The following PLA2G4F variants were observed in gnomAD, a reference collection of about 807,000 sequenced individuals.
PLA2G4F encodes phospholipase A2 group IVF.
A neutral mutation model predicts 103.1 loss-of-function variants in PLA2G4F; 105 were observed. That is an observed-to-expected ratio of 1.02 (90% confidence interval 0.87 to 1.20). The LOEUF is 1.20. Ranked by LOEUF, PLA2G4F falls within the 50% of genes most tolerant of loss-of-function variation. The pLI, the probability that PLA2G4F is intolerant of heterozygous loss-of-function variation, is 0.00. For missense variants in PLA2G4F, 1,155 were observed against 1,075.9 expected (o/e 1.07, Z -1.03); for synonymous variants, 468 against 441.1 (o/e 1.06, Z -0.76).
Position 42,156,626 on chromosome 15 carries a change from C to G in PLA2G4F, c.-77G>C, listed in dbSNP as rs1370703679. The G allele has an allele frequency of 6.7e-6, 7 of 1,037,906 alleles. No individual in the cohort carries two copies. The highest frequency in any genetic ancestry group is 9.7e-6 in the Non-Finnish European group (7 of 719,212). 64.3% of individuals were successfully genotyped at this position (1,037,906 alleles called of 1,614,324 possible). A position where few individuals can be genotyped will look rare whatever the true frequency, so the allele number is the denominator to read the frequency against. ...GCACAAACTGCTGGCTCAGGTGTGA[C>G]AGGCAGCACTGAGTTGGGAGGGTGG... On this transcript the variant is annotated 5_prime_UTR_variant, in exon 1 of 20. Coordinates refer to ENST00000397272, the MANE Select transcript of PLA2G4F (RefSeq NM_213600.4).
chr15:42,154,469 G>C lies in PLA2G4F; in HGVS notation c.185-11C>G. The C allele has an allele frequency of 1.9e-6, 3 of 1,553,646 alleles. No individual in the cohort carries two copies. The highest frequency in any genetic ancestry group is 2.6e-6 in the Non-Finnish European group (3 of 1,147,850). On this transcript the variant is annotated splice_polypyrimidine_tract_variant and intron_variant, in intron 2 of 19. Coordinates refer to ENST00000397272, the MANE Select transcript of PLA2G4F (RefSeq NM_213600.4). ...AGTCGGCTTTGGACACTGCAGGTAG[G>C]ACAGGGAGGGGCCGGGGCCTCAAGC...
At chr15:42,146,043 C>CT (rs1595618475) in intron 14 of PLA2G4F, 84 bp downstream of exon 14, 15 of 1,581,340 alleles carry the variant, frequency 9.5e-6, no homozygotes, top group Non-Finnish European at 1.2e-5. Flanking sequence ...CAACCACCTC[C>CT]TCTGGGTACC....
chr15:42,156,359 C>T, intron 1 of PLA2G4F, 80 bp downstream of exon 1: 1 of 1,175,046 alleles, frequency 8.5e-7, no homozygotes, highest in East Asian at 2.7e-5. Flanking sequence ...AGGGCTGGGG[C>T]TGGTCTCAGT....
chr15:42,151,676 A>G (rs1300037819), intron 7 of PLA2G4F: 3 of 981,542 alleles, frequency 3.1e-6, no homozygotes, highest in East Asian at 1.1e-4. Context: ...ATTCAAGAAA[A>G]TAAGGAAAGT....
chr15:42,151,244 G>A (rs777849613), intron 7 of PLA2G4F: 50 of 985,064 alleles, frequency 5.1e-5, no homozygotes, highest in African/African-American at 3.5e-4. Context: ...AGTGTAGAAC[G>A]TTGGGAGAGG....
Position 42,156,563 on chromosome 15 carries a change from G to C in PLA2G4F, c.-14C>G, listed in dbSNP as rs567482197. The C allele has an allele frequency of 2.1e-4, 319 of 1,533,606 alleles. 2 individuals carry two copies. The Admixed American group carries it at 6.2e-3, about 30-fold the overall frequency. The allele number at this position is 1,533,606 out of a possible 1,614,324, so 95.0% of individuals were successfully genotyped here. On this transcript the variant is annotated 5_prime_UTR_variant, in exon 1 of 20. Coordinates refer to ENST00000397272, the MANE Select transcript of PLA2G4F (RefSeq NM_213600.4). The stretch of plus-strand genomic sequence containing the variant: ...TGCCCAAAGCATGGCTGGGCAGCCC[G>C]GGCCCCAGCAGGGAACCCTGCCTGC...
In PLA2G4F at chr15:42,146,124, C is replaced by A; in HGVS notation, c.1534+3G>T. The stretch of plus-strand genomic sequence containing the variant: ...TCCTTCCTTCGTCTCCACACCCAGG[C>A]ACCTGCAAAATCTTCCCCACTCAAG... On this transcript the variant is annotated splice_donor_region_variant and intron_variant, in intron 14 of 19. Transcript: ENST00000397272. 1 of 1,613,916 alleles carries A rather than the reference C, an allele frequency of 6.2e-7. No homozygotes were observed. The highest frequency in any genetic ancestry group is 8.5e-7 in the Non-Finnish European group (1 of 1,179,760).
intron 7 of PLA2G4F, chr15:42,151,650 C>A: frequency 1.0e-6 from 1 of 985,272 alleles, no homozygotes; most frequent in Non-Finnish European, 1.2e-6. Flanking sequence ...TCGACATGAC[C>A]AAGTGTGGGG....
rs774231080 is a variant in PLA2G4F at position 42,145,572 on chromosome 15, C to T, written c.1780+3G>A. The T allele has an allele frequency of 3.7e-6, 6 of 1,613,780 alleles. No homozygotes were observed. In the South Asian group the frequency reaches 6.6e-5, roughly 18 times the overall value. ...GGGAGGGGCTCGGGGTCGCTACCCTCACCTGTGATATTCACACTGCCTCTG... is the reference window on the plus strand; with the variant it reads ...GGGAGGGGCTCGGGGTCGCTACCCTTACCTGTGATATTCACACTGCCTCTG... On this transcript the variant is annotated splice_donor_region_variant and intron_variant, in intron 16 of 19. Coordinates refer to ENST00000397272, the MANE Select transcript of PLA2G4F (RefSeq NM_213600.4).
rs900606543 is a variant in PLA2G4F at position 42,150,260 on chromosome 15, C to G, written c.885+113G>C. On this transcript the variant is annotated intron_variant, in intron 9 of 19. Transcript: ENST00000397272. ...CTCTGGCCCGATGTGGACATCATAACTGACCTCTGGACTGACCTGATCCAG... is the reference window on the plus strand; with the variant it reads ...CTCTGGCCCGATGTGGACATCATAAGTGACCTCTGGACTGACCTGATCCAG... The G allele has an allele frequency of 1.9e-6, 3 of 1,547,868 alleles. No individual in the cohort carries two copies. In the African/African-American group the frequency reaches 4.1e-5, roughly 21 times the overall value.
chr15:42,148,761 C>A (rs2048920918), intron 11 of PLA2G4F: 1 of 985,294 alleles, frequency 1.0e-6, no homozygotes, highest in African/African-American at 1.7e-5. Flanking sequence ...GCTTAGCTTT[C>A]CCAGTAAGAT....
chr15:42,154,141 C>G lies in PLA2G4F; in HGVS notation c.401G>C (p.Ser134Thr), dbSNP rs778660285. 2.5e-6 allele frequency: 4 copies of G among 1,614,240 alleles called. No individual in the cohort carries two copies. The South Asian group carries it at 4.4e-5, about 18-fold the overall frequency. The change falls in exon 4 of 20, where the codon AGC becomes ACC. Residue 134 changes from serine to threonine, a missense_variant. By Grantham distance (58) the Ser-to-Thr change is moderately conservative. This residue lies in a region of PLA2G4F where 370 missense variants were observed against 364.9 expected (regional missense o/e 1.01). Coordinates refer to ENST00000397272, the MANE Select transcript of PLA2G4F (RefSeq NM_213600.4). Reference sequence around the variant, plus strand: ...TTTGTGAGGTTGGCCACACTTGAGGCTTCTCAGGTCAAACAGGAGCAGAGA... The same window carrying G: ...TTTGTGAGGTTGGCCACACTTGAGGGTTCTCAGGTCAAACAGGAGCAGAGA... ...QLSLLLFDLR[S>T]LKCGQPHKHT... is the part of the protein sequence containing the mutation.
intron 18 of PLA2G4F, 45 bp from the exon 19 acceptor site, chr15:42,142,759 C>T (rs969833469): frequency 6.3e-7 from 1 of 1,599,724 alleles, no homozygotes; most frequent in Admixed American, 1.7e-5. Flanking sequence ...TCCACCCTGG[C>T]CACTCCCGCC....
Position 42,145,616 on chromosome 15 carries a change from AGGCCCGAGCC to A in PLA2G4F, c.1729_1738del (p.Gly577SerfsTer11). ...GCCTCTGTACCACTCCAGGAAGCTG[AGGCCCGAGCC>A]GGCGGTCTTTAGGAAGATCTCATCC... On this transcript the variant is annotated frameshift_variant, in exon 16 of 20. Coordinates refer to ENST00000397272, the MANE Select transcript of PLA2G4F (RefSeq NM_213600.4). LOFTEE classifies it high-confidence loss of function. The A allele has an allele frequency of 6.2e-7, 1 of 1,614,088 alleles. No homozygotes were observed. The highest frequency in any genetic ancestry group is 8.5e-7 in the Non-Finnish European group (1 of 1,180,008).
In PLA2G4F at chr15:42,147,866, T is replaced by A; in HGVS notation, c.1060-104A>T. ...TATTCTAAGAGTCTTACACGTATTA[T>A]CTCATTGAATCCTCACAGCAACCCA... On this transcript the variant is annotated intron_variant, in intron 11 of 19. Transcript: ENST00000397272. The A allele has an allele frequency of 2.0e-6, 3 of 1,470,746 alleles. No individual in the cohort carries two copies. The South Asian group carries it at 3.9e-5, about 19-fold the overall frequency. The allele number at this position is 1,470,746 out of a possible 1,614,324, so 91.1% of individuals were successfully genotyped here.
chr15:42,151,138 C>G, intron 7 of PLA2G4F: 1 of 985,294 alleles, frequency 1.0e-6, no homozygotes, highest in Non-Finnish European at 1.2e-6. Context: ...AGTGGTTTCC[C>G]GCTTGCCCCA....
In PLA2G4F at chr15:42,146,155, G is replaced by T. The variant is rs1274184825; in HGVS notation, c.1506C>A (p.Arg502=). ...CAAAATCTTCCCCACTCAAGTTGGT[G>T]CGGACGTTGACACTGGTGTAAATGG... ...PYPIYTSVNV[R]TNLSGEDFAE... is the part of the protein sequence containing the mutation. The change falls in exon 14 of 20, where the codon CGC becomes CGA. Residue 502 remains arginine (R), a synonymous_variant. Transcript: ENST00000397272. The T allele has an allele frequency of 6.2e-7, 1 of 1,614,228 alleles. No individual in the cohort carries two copies. The highest frequency in any genetic ancestry group is 8.5e-7 in the Non-Finnish European group (1 of 1,180,044).
In PLA2G4F at chr15:42,145,729, G is replaced by A. The variant is rs779993110; in HGVS notation, c.1672+37C>T. 5 of 1,613,378 alleles carry A rather than the reference G, an allele frequency of 3.1e-6. No homozygotes were observed. In the African/African-American group the frequency reaches 5.3e-5, roughly 17 times the overall value. On this transcript the variant is annotated intron_variant, in intron 15 of 19. Transcript: ENST00000397272. Reference sequence around the variant, plus strand: ...CACCCCACGTCAGGGCCTGGCCCCGGCACCTGCCTGTCCCCAGCCCTCCAG... The same window carrying A: ...CACCCCACGTCAGGGCCTGGCCCCGACACCTGCCTGTCCCCAGCCCTCCAG...
At chr15:42,146,306 G>T (rs2048884729) in intron 13 of PLA2G4F, 65 bp from the exon 14 acceptor site, 2 of 1,484,062 alleles carry the variant, frequency 1.3e-6, no homozygotes, top group Non-Finnish European at 1.9e-6. Context: ...CCCGTGGCCT[G>T]GGGCCGGCAC....
Sources: gnomAD v4.1 joint callset for allele counts on GRCh38, gnomAD v4.1.1 for gene constraint, gnomAD v4.1.1 regional missense constraint, MANE v1.5 for transcripts, NCBI Gene and HGNC (gene_info 2026-07-23, HGNC 2026-07-21) for gene names.